The following URI1 variants were observed in gnomAD, a reference collection of about 807,000 sequenced individuals.
URI1 encodes the protein URI1 prefoldin like chaperone, also known as unconventional prefoldin RPB5 interactor 1.
URI1 carries 39 observed loss-of-function variants against 60.2 expected under a neutral mutation model. The observed-to-expected ratio is 0.65, with a 90% CI of 0.50 to 0.85. The LOEUF (loss-of-function observed/expected upper bound fraction) is 0.85, where lower values mean the gene tolerates loss of function less well. Ranked by LOEUF, URI1 falls within the 40% of genes least tolerant of loss-of-function variation. The probability of loss-of-function intolerance (pLI) is 0.00; values close to 1 mark genes in which losing one functional copy is unlikely to be tolerated. For synonymous variants in URI1, 251 were observed against 236.8 expected (o/e 1.06, Z -0.55); for missense variants, 691 against 665.9 (o/e 1.04, Z -0.42).
intron 10 of URI1, chr19:30,014,121 A>G (rs1477320602): frequency 2.0e-5 from 3 of 151,978 alleles, no homozygotes; most frequent in Non-Finnish European, 2.9e-5. Context: ...CTATTTTTGT[A>G]TAAAACGACA....
chr19:29,978,605 A>C (rs1268585264), intron 2 of URI1, among the ~76,000 whole-genome samples: 6 of 152,168 alleles, frequency 3.9e-5, no homozygotes, highest in African/African-American at 1.4e-4. Context: ...TGAGAAGTGC[A>C]TCACTTGGTG....
chr19:30,000,512 C>T (rs2055865315), intron 4 of URI1, among the ~76,000 whole-genome samples: 1 of 151,936 alleles, frequency 6.6e-6, no homozygotes, highest in Admixed American at 6.6e-5. Flanking sequence ...CCTTATACTC[C>T]TGCTTCTTAT....
intron 4 of URI1, among the ~76,000 whole-genome samples, chr19:29,994,916 G>T (rs1055744089): frequency 1.3e-5 from 2 of 151,952 alleles, no homozygotes; most frequent in African/African-American, 4.8e-5. Flanking sequence ...GAGTAGCTGG[G>T]ACTACAGGTG....
chr19:29,933,764 G>C (rs760109514), intron 1 of URI1, among the ~76,000 whole-genome samples: 2 of 151,462 alleles, frequency 1.3e-5, no homozygotes, highest in African/African-American at 2.4e-5. Context: ...GGAGGTTGCA[G>C]TGAGCCGAGA....
At chr19:29,974,468 T>G (rs996983853) in intron 2 of URI1, among the ~76,000 whole-genome samples, 12 of 152,214 alleles carry the variant, frequency 7.9e-5, no homozygotes, top group African/African-American at 2.9e-4. Flanking sequence ...TGAAAGGTGA[T>G]AGAGTAGTAT....
At chr19:29,942,207 G>C (rs1320193660), upstream of URI1, 1 of 984,440 alleles carries the variant, frequency 1.0e-6, no homozygotes, top group African/African-American at 1.8e-5. Flanking sequence ...GGGCCTGCGC[G>C]CTTGCTTCCG....
At chr19:29,990,021 T>C (rs1312480995) in intron 4 of URI1, among the ~76,000 whole-genome samples, 1 of 152,184 alleles carries the variant, frequency 6.6e-6, no homozygotes, top group Non-Finnish European at 1.5e-5. Context: ...ACTTTGATAT[T>C]TTACAATTAG....
Position 30,015,286 on chromosome 19 carries a change from T to G in URI1, c.*217T>G. 7.0e-7 allele frequency: 1 copy of G among 1,419,322 alleles called. No individual in the cohort carries two copies. Among genetic ancestry groups the G allele is most frequent in the Non-Finnish European group, 9.1e-7 (1 of 1,092,984 alleles). 87.9% of individuals were successfully genotyped at this position (1,419,322 alleles called of 1,614,324 possible). ...TGTTTTGTGAATTCTCTGAATACTG[T>G]CAACACTCTTATCTAAGTTTGCCTT... On this transcript the variant is annotated 3_prime_UTR_variant, in exon 11 of 11. Transcript: ENST00000392271.
In URI1 at chr19:30,005,453, G is replaced by A. The variant is rs1568443976; in HGVS notation, c.459+1G>A. On this transcript the variant is annotated splice_donor_variant, in intron 5 of 10. Transcript: ENST00000392271. LOFTEE classifies it high-confidence loss of function. ...AGAAGATTTGCAGAAAATGAGCGAT[G>A]TGAGTATTTGTTTTTAGTCTTCTAT... 1.9e-6 allele frequency: 3 copies of A among 1,586,316 alleles called. No individual in the cohort carries two copies. Among genetic ancestry groups the A allele is most frequent in the South Asian group, 1.2e-5 (1 of 86,006 alleles).
intron 1 of URI1, among the ~76,000 whole-genome samples, chr19:29,931,758 T>C (rs2054919278): frequency 6.6e-6 from 1 of 152,190 alleles, no homozygotes; most frequent in Non-Finnish European, 1.5e-5. Flanking sequence ...TATTTTATTC[T>C]TGATGTTACT....
Position 29,985,227 on chromosome 19 carries a change from A to G in URI1, c.157A>G (p.Lys53Glu). 6.3e-7 allele frequency: 1 copy of G among 1,590,820 alleles called. No homozygotes were observed. Among genetic ancestry groups the G allele is most frequent in the Non-Finnish European group, 8.6e-7 (1 of 1,166,452 alleles). ...NCQERIQHWK[K>E]VDNDYNALRE... The stretch of plus-strand genomic sequence containing the variant: ...TTTGGTGTTTTCTGTCAACAGGAAG[A>G]AGGTAGATAATGACTATAATGCCCT... The change falls in exon 3 of 11, where the codon AAG (lysine) becomes GAG (glutamate). Residue 53 changes from lysine (K) to glutamate (E), a missense_variant. Transcript: ENST00000392271.
At position 29,944,140 on chromosome 19, in the gene URI1, CATATATATATATATATATATATAT is replaced by C. The variant is rs56329506; in HGVS notation, c.117+1506_117+1529del. On this transcript the variant is annotated intron_variant, in intron 1 of 10. Coordinates refer to ENST00000392271, the MANE Select transcript of URI1 (RefSeq NM_003796.3). Reference sequence around the variant, plus strand: ...GGCGACAGAGTGAGACCCTGTCATTCATATATATATATATATATATATATATATATATATATATATATATATATA... The same window carrying C: ...GGCGACAGAGTGAGACCCTGTCATTCATATATATATATATATATATATATA... Among the ~76,000 whole-genome samples, 184 of 37,156 alleles carry C rather than the reference CATATATATATATATATATATATAT, an allele frequency of 5.0e-3. 8 individuals carry two copies. The highest frequency in any genetic ancestry group is 7.9e-3 in the East Asian group (15 of 1,888). 24.4% of individuals were successfully genotyped at this position (37,156 alleles called of 152,430 possible). A position where few individuals can be genotyped will look rare whatever the true frequency, so the allele number is the denominator to read the frequency against.
intron 1 of URI1, among the ~76,000 whole-genome samples, chr19:29,937,050 C>A (rs2054979631): frequency 6.6e-6 from 1 of 152,170 alleles, no homozygotes; most frequent in South Asian, 2.1e-4. Flanking sequence ...CCATGGCCAG[C>A]CTATTTTTCG....
upstream of URI1, among the ~76,000 whole-genome samples, chr19:29,937,383 TC>T (rs2054982674): frequency 6.6e-6 from 1 of 152,228 alleles, no homozygotes; most frequent in Admixed American, 6.5e-5. Context: ...TCTATTGAAT[TC>T]TTTTTTTCCC....
At chr19:30,006,615 G>A (rs988602457) in intron 6 of URI1, among the ~76,000 whole-genome samples, 1 of 152,062 alleles carries the variant, frequency 6.6e-6, no homozygotes, top group African/African-American at 2.4e-5. Context: ...AGAGAATAAG[G>A]CTGTGAAACA....
Position 30,012,487 on chromosome 19 carries a change from C to T in URI1, c.1381C>T (p.Gln461Ter). 1 of 1,614,136 alleles carries T rather than the reference C, an allele frequency of 6.2e-7. No individual in the cohort carries two copies. The highest frequency in any genetic ancestry group is 8.5e-7 in the Non-Finnish European group (1 of 1,179,998). Reference sequence around the variant, plus strand: ...TGAGAGCATTTTGGAAGAGGAACCACAAGAAAATCAAAAGAAACTTTTGCC... The same window carrying T: ...TGAGAGCATTTTGGAAGAGGAACCATAAGAAAATCAAAAGAAACTTTTGCC... ...TSESILEEEP[Q>*]ENQKKLLPLS... The change falls in exon 10 of 11, where the codon CAA becomes TAA. Residue 461 changes from glutamine (Q) to a stop codon, truncating the protein, a stop_gained. Coordinates refer to ENST00000392271, the MANE Select transcript of URI1 (RefSeq NM_003796.3). LOFTEE classifies it low-confidence loss of function (END_TRUNC).
At chr19:29,965,408 G>C (rs183315715) in intron 1 of URI1, among the ~76,000 whole-genome samples, 1 of 152,304 alleles carries the variant, frequency 6.6e-6, no homozygotes, top group East Asian at 1.9e-4. Context: ...CAGTATTTCA[G>C]ATTCAGAAAT....
At chr19:29,934,353 C>T (rs1208183815) in intron 1 of URI1, among the ~76,000 whole-genome samples, 3 of 152,160 alleles carry the variant, frequency 2.0e-5, no homozygotes, top group South Asian at 2.1e-4. Context: ...CACTTTATCA[C>T]GAAGTGAGTA....
chr19:29,932,889 G>A (rs954378021), intron 1 of URI1, among the ~76,000 whole-genome samples: 9 of 151,808 alleles, frequency 5.9e-5, no homozygotes, highest in African/African-American at 9.7e-5. Flanking sequence ...CTGACCTCAG[G>A]TGATCCACCC....
Sources: allele counts gnomAD v4.1 joint callset (sites outside exome capture counted in the v4.1 genomes callset), GRCh38; gene constraint gnomAD v4.1.1; transcripts MANE v1.5; gene names NCBI Gene and HGNC (gene_info 2026-07-23, HGNC 2026-07-21).